Variants in NTM observed in about 807,000 individuals in gnomAD.
NTM encodes the protein neurotrimin.
In NTM, 13 loss-of-function variants were observed where a neutral mutation model predicts 42.1. The ratio of observed to expected loss-of-function variants is 0.31; its 90% confidence interval spans 0.20 to 0.49. NTM has a LOEUF of 0.49. Among genes scored for constraint, NTM ranks in the 20% least tolerant of loss-of-function variants. The pLI is 0.99. For synonymous variants in NTM, 187 were observed against 179.2 expected (o/e 1.04, Z -0.35); for missense variants, 373 against 452.8 (o/e 0.82, Z 1.60).
At chr11:131,901,830 G>C (rs2053204419) in intron 1 of NTM, among the ~76,000 whole-genome samples, 1 of 152,212 alleles carries the variant, frequency 6.6e-6, no homozygotes, top group South Asian at 2.1e-4. Flanking sequence ...AAAGCTACCT[G>C]AACAGCACAT....
chr11:131,454,623 C>T (rs1950732664), intron 1 of NTM, among the ~76,000 whole-genome samples: 1 of 152,064 alleles, frequency 6.6e-6, no homozygotes, highest in Admixed American at 6.6e-5. Context: ...TATATCCATC[C>T]CACAAAGCAC....
intron 1 of NTM, among the ~76,000 whole-genome samples, chr11:131,398,720 A>G (rs1378288833): frequency 6.6e-6 from 1 of 152,164 alleles, no homozygotes; most frequent in South Asian, 2.1e-4. Context: ...TATACATTCT[A>G]TTACCACCAA....
chr11:131,720,166 A>G (rs1003008574), intron 1 of NTM, among the ~76,000 whole-genome samples: 5 of 152,214 alleles, frequency 3.3e-5, no homozygotes, highest in Non-Finnish European at 7.3e-5. Context: ...TTGTACACAT[A>G]CATTGTGCCA....
chr11:132,316,205 C>T (rs762841351), intron 7 of NTM, among the ~76,000 whole-genome samples: 16 of 152,006 alleles, frequency 1.1e-4, no homozygotes, highest in African/African-American at 1.9e-4. Context: ...TATACTTCCC[C>T]GGCTTCTTCT....
Position 132,060,348 on chromosome 11 carries a change from A to G in NTM, c.168-85934A>G, listed in dbSNP as rs986824712. On this transcript the variant is annotated intron_variant, in intron 2 of 8. Coordinates refer to ENST00000683400, the MANE Select transcript of NTM (RefSeq NM_001352005.2). ...TGCATTCGAGGCTGAAGACAAGGAG[A>G]CATTATCCTCCAAAATACTTTTTTT... Among the ~76,000 whole-genome samples, 3 of 152,206 alleles carry G rather than the reference A, an allele frequency of 2.0e-5. No homozygotes were observed. In the South Asian group the frequency reaches 6.2e-4, roughly 31 times the overall value.
intron 4 of NTM, chr11:132,306,230 GGAA>G (rs1254771097): frequency 6.6e-6 from 1 of 152,172 alleles, no homozygotes; most frequent in African/African-American, 2.4e-5. Flanking sequence ...ACACTGTTAT[GGAA>G]CACATACAAT....
intron 1 of NTM, among the ~76,000 whole-genome samples, chr11:131,731,144 G>T (rs1263478987): frequency 6.6e-6 from 1 of 151,924 alleles, no homozygotes; most frequent in South Asian, 2.1e-4. Context: ...TTTGTGTGGC[G>T]CACCTCCTCC....
intron 1 of NTM, among the ~76,000 whole-genome samples, chr11:131,511,307 A>G (rs1230924979): frequency 1.3e-5 from 2 of 152,178 alleles, no homozygotes; most frequent in Non-Finnish European, 2.9e-5. Context: ...TGAGCCCAGC[A>G]GGTAAGGCTG....
rs1462438467 is a variant in NTM at position 131,563,221 on chromosome 11, T to C, written c.82+192333T>C. On this transcript the variant is annotated intron_variant, in intron 1 of 8. Coordinates refer to ENST00000683400, the MANE Select transcript of NTM (RefSeq NM_001352005.2). The stretch of plus-strand genomic sequence containing the variant: ...AAGAATCCATGCAAGTGCAAATTAT[T>C]ATTATTATATCACTGGAGCCTTAGC... 2.0e-5 allele frequency among the ~76,000 whole-genome samples: 3 copies of C among 147,418 alleles called. No homozygotes were observed. The East Asian group carries it at 5.8e-4, about 28-fold the overall frequency.
intron 1 of NTM, among the ~76,000 whole-genome samples, chr11:131,801,948 C>T (rs544590222): frequency 2.6e-5 from 4 of 152,284 alleles, no homozygotes; most frequent in Admixed American, 6.5e-5. Context: ...ATTTTCTCCT[C>T]ATATTACCCT....
intron 1 of NTM, among the ~76,000 whole-genome samples, chr11:131,499,642 C>A (rs559010618): frequency 6.6e-6 from 1 of 151,708 alleles, no homozygotes; most frequent in Non-Finnish European, 1.5e-5. Flanking sequence ...ATCCCTAACT[C>A]GTCCCCTGTG....
intron 1 of NTM, among the ~76,000 whole-genome samples, chr11:131,724,279 G>T (rs789541): frequency 0.13 from 19,947 of 152,042 alleles, 1,672 homozygotes; most frequent in South Asian, 0.22. Flanking sequence ...TGCCCATCTG[G>T]CTCCTGGCAC....
chr11:131,985,855 G>C (rs2065984316), intron 2 of NTM, among the ~76,000 whole-genome samples: 1 of 152,178 alleles, frequency 6.6e-6, no homozygotes, highest in Admixed American at 6.5e-5. Context: ...TATAACTGTT[G>C]TGAGGACTGA....
At chr11:131,542,369 T>G (rs1292851539) in intron 1 of NTM, among the ~76,000 whole-genome samples, 1 of 152,202 alleles carries the variant, frequency 6.6e-6, no homozygotes, top group African/African-American at 2.4e-5. Context: ...AGAACTGCAC[T>G]GTGAACTTCT....
intron 1 of NTM, among the ~76,000 whole-genome samples, chr11:131,506,986 T>C (rs1445035889): frequency 6.6e-6 from 1 of 152,170 alleles, no homozygotes. Context: ...TACATAGATA[T>C]CTCATGTGCA....
intron 1 of NTM, among the ~76,000 whole-genome samples, chr11:131,387,461 G>A (rs1402062140): frequency 1.3e-5 from 2 of 152,182 alleles, no homozygotes; most frequent in Admixed American, 1.3e-4. Context: ...GCAGGATCAG[G>A]ACAGTGGAAC....
At chr11:131,764,402 C>A (rs1056272842) in intron 1 of NTM, among the ~76,000 whole-genome samples, 2 of 152,104 alleles carry the variant, frequency 1.3e-5, no homozygotes, top group African/African-American at 4.8e-5. Flanking sequence ...AGACAGGATA[C>A]CCTGTGTTGA....
intron 4 of NTM, among the ~76,000 whole-genome samples, chr11:132,240,813 G>A (rs2090065657): frequency 6.6e-6 from 1 of 152,246 alleles, no homozygotes; most frequent in South Asian, 2.1e-4. Flanking sequence ...TAACAAAGTT[G>A]TGAATTGAAA....
chr11:131,580,333 C>A (rs1044970180), intron 1 of NTM, among the ~76,000 whole-genome samples: 2 of 152,178 alleles, frequency 1.3e-5, no homozygotes, highest in African/African-American at 4.8e-5. Flanking sequence ...ATCTTTATAG[C>A]CACATTACGG....
Sources: allele counts gnomAD v4.1 joint callset (sites outside exome capture counted in the v4.1 genomes callset), GRCh38; gene constraint gnomAD v4.1.1; transcripts MANE v1.5; gene names NCBI Gene and HGNC (gene_info 2026-07-23, HGNC 2026-07-21).